The following CGRRF1 variants were observed in gnomAD, a reference collection of about 807,000 sequenced individuals.
CGRRF1 encodes the protein cell growth regulator with RING finger domain protein 1.
CGRRF1 carries 32 observed loss-of-function variants against 37.2 expected under a neutral mutation model. That is an observed-to-expected ratio of 0.86 (90% CI 0.65 to 1.16). The LOEUF (loss-of-function observed/expected upper bound fraction) is 1.16. Among genes scored for constraint, CGRRF1 ranks in the 50% most tolerant of loss-of-function variants. The pLI is 0.00. For synonymous variants in CGRRF1, 141 were observed against 140.3 expected, an observed-to-expected ratio of 1.00 and a Z score of -0.04; for missense variants, 391 against 382.6, an observed-to-expected ratio of 1.02 and a Z score of -0.18.
Position 54,538,102 on chromosome 14 carries a change from A to G in CGRRF1, c.718A>G (p.Asn240Asp). 1 of 1,613,814 alleles carries G rather than the reference A, an allele frequency of 6.2e-7. No individual in the cohort carries two copies. The highest frequency in any genetic ancestry group is 8.5e-7 in the Non-Finnish European group (1 of 1,179,964). The change falls in exon 6 of 6, where the codon AAC becomes GAC. Residue 240 changes from asparagine to aspartate, a missense_variant. Transcript: ENST00000216420. The part of the protein sequence containing the change: ...MSANNNFTPS[N>D]NSSSEEKNTD... ...TGCAAATAATAATTTCACTCCCTCCAACAATTCCTCTTCAGAAGAAAAAAA... is the reference window on the plus strand; with the variant it reads ...TGCAAATAATAATTTCACTCCCTCCGACAATTCCTCTTCAGAAGAAAAAAA...
At chr14:54,528,789 A>G (rs986750103) in intron 2 of CGRRF1, among the ~76,000 whole-genome samples, 1 of 152,218 alleles carries the variant, frequency 6.6e-6, no homozygotes, top group Non-Finnish European at 1.5e-5. Flanking sequence ...TAACCTATGC[A>G]AAGTTCCTAC....
chr14:54,527,929 C>T (rs1436058011), intron 2 of CGRRF1, among the ~76,000 whole-genome samples: 1 of 151,934 alleles, frequency 6.6e-6, no homozygotes, highest in Non-Finnish European at 1.5e-5. Context: ...TTTGTAGAGA[C>T]ATGGTTTTGC....
At chr14:54,527,387 A>G (rs1158141474) in intron 2 of CGRRF1, among the ~76,000 whole-genome samples, 1 of 152,182 alleles carries the variant, frequency 6.6e-6, no homozygotes, top group Admixed American at 6.5e-5. Flanking sequence ...GGTGCAGGAC[A>G]CCAACATGGC....
chr14:54,525,191 C>T (rs2032392477), intron 2 of CGRRF1, among the ~76,000 whole-genome samples: 5 of 152,232 alleles, frequency 3.3e-5, no homozygotes, highest in Admixed American at 3.3e-4. Context: ...GCTGCAAGGC[C>T]TTCCTTCCTG....
chr14:54,530,984 A>C lies in CGRRF1; in HGVS notation c.504A>C (p.Arg168Ser). Residue 168 changes from arginine (R) to serine (S), a missense_variant, in exon 4 of 6, where the codon AGA becomes AGC. Coordinates refer to ENST00000216420, the MANE Select transcript of CGRRF1 (RefSeq NM_006568.3). The part of the protein sequence containing the change: ...TKIEDFGTVP[R>S]SRYPLVALLT... Reference sequence around the variant, plus strand: ...TTGAAGACTTTGGTACAGTACCCAGATCTCGCTATCCATTGGTAGCGCTAT... The same window carrying C: ...TTGAAGACTTTGGTACAGTACCCAGCTCTCGCTATCCATTGGTAGCGCTAT... 1 of 1,611,952 alleles carries C rather than the reference A, an allele frequency of 6.2e-7. No homozygotes were observed. The highest frequency in any genetic ancestry group is 8.5e-7 in the Non-Finnish European group (1 of 1,178,186).
chr14:54,535,928 C>T (rs2032594326), intron 4 of CGRRF1: 1 of 152,166 alleles, frequency 6.6e-6, no homozygotes, highest in South Asian at 2.1e-4. Flanking sequence ...CTCAAACTGC[C>T]ATTTCCCTGC....
chr14:54,509,915 T>A lies in CGRRF1; in HGVS notation c.-45T>A. 2 of 1,454,576 alleles carry A rather than the reference T, an allele frequency of 1.4e-6. No individual in the cohort carries two copies. The highest frequency in any genetic ancestry group is 1.9e-6 in the Non-Finnish European group (2 of 1,035,836). 90.1% of individuals were successfully genotyped at this position (1,454,576 alleles called of 1,614,324 possible). The stretch of plus-strand genomic sequence containing the variant: ...CGGGCGGGGCTCAGCCGGGCTGGGC[T>A]GGGCTCCGCGGCTGGAGCCGGGCTC... On this transcript the variant is annotated 5_prime_UTR_variant, in exon 1 of 6. Coordinates refer to ENST00000216420, the MANE Select transcript of CGRRF1 (RefSeq NM_006568.3).
intron 4 of CGRRF1, among the ~76,000 whole-genome samples, chr14:54,532,291 G>GAA (rs887123103): frequency 7.2e-5 from 11 of 152,100 alleles, no homozygotes; most frequent in Admixed American, 1.3e-4. Flanking sequence ...TTTTCAAACT[G>GAA]AAGTTCCATT....
chr14:54,533,305 T>C (rs1228759503), intron 4 of CGRRF1, among the ~76,000 whole-genome samples: 1 of 152,100 alleles, frequency 6.6e-6, no homozygotes, highest in Non-Finnish European at 1.5e-5. Flanking sequence ...GCTGTAGTTG[T>C]GGGAGGCTTG....
chr14:54,510,938 G>A (rs1484297836), intron 1 of CGRRF1, among the ~76,000 whole-genome samples: 2 of 152,222 alleles, frequency 1.3e-5, no homozygotes, highest in Non-Finnish European at 2.9e-5. Flanking sequence ...TAACAGCCAT[G>A]GTCTGAAGAG....
chr14:54,531,866 C>T (rs2032520878), intron 4 of CGRRF1, among the ~76,000 whole-genome samples: 1 of 152,036 alleles, frequency 6.6e-6, no homozygotes, highest in African/African-American at 2.4e-5. Flanking sequence ...GTAAAAATGT[C>T]CTTACACACA....
At chr14:54,523,773 A>C (rs1317724530) in intron 2 of CGRRF1, among the ~76,000 whole-genome samples, 1 of 152,234 alleles carries the variant, frequency 6.6e-6, no homozygotes. Context: ...AATGAATTCA[A>C]TTTTGAACTT....
chr14:54,535,850 T>C (rs1049105709), intron 4 of CGRRF1, among the ~76,000 whole-genome samples: 1 of 152,164 alleles, frequency 6.6e-6, no homozygotes, highest in African/African-American at 2.4e-5. Flanking sequence ...TTATCTGTTG[T>C]CTCTATGGCC....
At chr14:54,533,000 A>G (rs1437596648) in intron 4 of CGRRF1, among the ~76,000 whole-genome samples, 1 of 151,794 alleles carries the variant, frequency 6.6e-6, no homozygotes, top group Non-Finnish European at 1.5e-5. Flanking sequence ...CCTTTGGTTC[A>G]GCACAAAAGG....
intron 2 of CGRRF1, among the ~76,000 whole-genome samples, chr14:54,526,144 A>ATTTTTTT (rs745596386): frequency 9.3e-5 from 10 of 107,070 alleles, no homozygotes; most frequent in East Asian, 2.9e-4. Context: ...TATATTTAAG[A>ATTTTTTT]TTTTTTTTTT....
rs370849722 is a variant in CGRRF1, at chr14:54,518,635, C to T, written c.105-3819C>T. Among the ~76,000 whole-genome samples the T allele has an allele frequency of 8.6e-4, 130 of 151,540 alleles. 3 individuals are homozygous for T. In the South Asian group the frequency reaches 0.021, roughly 25 times the overall value. On this transcript the variant is annotated intron_variant, in intron 1 of 5. Coordinates refer to ENST00000216420, the MANE Select transcript of CGRRF1 (RefSeq NM_006568.3). ...TGTTTCTGGATTTTTTTAATAATTG[C>T]CATTATGACTGGCGTGAAATGGTAT...
chr14:54,515,195 T>C (rs1230051629), intron 1 of CGRRF1, among the ~76,000 whole-genome samples: 1 of 151,266 alleles, frequency 6.6e-6, no homozygotes, highest in African/African-American at 2.4e-5. Flanking sequence ...TTCAAGCAAT[T>C]CTCCTGCCTC....
At chr14:54,535,359 TCA>T (rs143950400) in intron 4 of CGRRF1, among the ~76,000 whole-genome samples, 2,286 of 140,028 alleles carry the variant, frequency 0.016, 49 homozygotes, top group Admixed American at 0.065. Context: ...AAGGGTATAG[TCA>T]CACACACACA....
chr14:54,519,375 C>T (rs2140057003), intron 1 of CGRRF1, among the ~76,000 whole-genome samples: 3 of 150,972 alleles, frequency 2.0e-5, no homozygotes, highest in Admixed American at 2.0e-4. Context: ...GTAGCTGGGA[C>T]CACAGGTGTA....
Sources: allele counts gnomAD v4.1 joint callset (sites outside exome capture counted in the v4.1 genomes callset), GRCh38; gene constraint gnomAD v4.1.1; transcripts MANE v1.5; gene names NCBI Gene and HGNC (gene_info 2026-07-23, HGNC 2026-07-21).